The following ARHGAP15 variants were observed in gnomAD, a reference collection of about 807,000 sequenced individuals.
The protein encoded by ARHGAP15 is rho GTPase-activating protein 15.
Under a neutral mutation model 63.7 loss-of-function variants are expected in ARHGAP15, and 51 were observed. That is an observed-to-expected ratio of 0.80 (90% CI 0.64 to 1.01). The LOEUF is 1.01. Among genes scored for constraint, ARHGAP15 ranks in the 50% least tolerant of loss-of-function variants. The pLI is 0.00. For missense variants in ARHGAP15, 560 were observed against 564.6 expected (o/e 0.99, Z 0.08); for synonymous variants, 191 against 193.8 (o/e 0.99, Z 0.12).
chr2:143,410,533 C>T (rs75594536), intron 6 of ARHGAP15, among the ~76,000 whole-genome samples: 25 of 152,258 alleles, frequency 1.6e-4, no homozygotes, highest in African/African-American at 4.6e-4. Flanking sequence ...CTTAGTTGAG[C>T]GCCTACTTTG....
intron 6 of ARHGAP15, among the ~76,000 whole-genome samples, chr2:143,304,131 G>A (rs1166056517): frequency 6.6e-6 from 1 of 152,086 alleles, no homozygotes; most frequent in African/African-American, 2.4e-5. Flanking sequence ...TATAAATCAT[G>A]CTGCTATAAA....
intron 12 of ARHGAP15, among the ~76,000 whole-genome samples, chr2:143,650,566 C>A (rs777952501): frequency 6.6e-6 from 1 of 151,772 alleles, no homozygotes; most frequent in Non-Finnish European, 1.5e-5. Context: ...GGTACTGCAC[C>A]CACTAAGTAT....
chr2:143,372,419 T>A (rs1413341698), intron 6 of ARHGAP15, among the ~76,000 whole-genome samples: 1 of 150,992 alleles, frequency 6.6e-6, no homozygotes, highest in Non-Finnish European at 1.5e-5. Flanking sequence ...TACCATAGCT[T>A]CTTAATCTAC....
Position 143,487,540 on chromosome 2 carries a change from G to C in ARHGAP15, c.826+45G>C, listed in dbSNP as rs1284865432. 1.1e-5 allele frequency: 17 copies of C among 1,579,996 alleles called. No individual in the cohort carries two copies. The East Asian group carries it at 3.4e-4, about 31-fold the overall frequency. ...TGTACTATAACTGTGATAAATGAAT[G>C]TGCCTCTGTGTTCATAGCTAATCAG... On this transcript the variant is annotated intron_variant, in intron 9 of 13. Transcript: ENST00000295095.
intron 6 of ARHGAP15, among the ~76,000 whole-genome samples, chr2:143,418,779 A>C (rs1044762824): frequency 6.6e-6 from 1 of 152,214 alleles, no homozygotes; most frequent in African/African-American, 2.4e-5. Flanking sequence ...TTTTTTTCCC[A>C]ATAAATACAG....
In ARHGAP15 at chr2:143,638,702, AC is replaced by A. The variant is rs1408957184; in HGVS notation, c.1138+14436del. ...AAAAAAATATTAAAAAAAAAAAAAA[AC>A]TCAGAGAAGAGACATTCCAAATTTA... On this transcript the variant is annotated intron_variant, in intron 12 of 13. Coordinates refer to ENST00000295095, the MANE Select transcript of ARHGAP15 (RefSeq NM_018460.4). 5.9e-3 allele frequency among the ~76,000 whole-genome samples: 859 copies of A among 145,448 alleles called. 18 individuals carry two copies. The East Asian group carries it at 0.078, about 13-fold the overall frequency.
chr2:143,375,582 G>A (rs971997373), intron 6 of ARHGAP15, among the ~76,000 whole-genome samples: 2 of 152,170 alleles, frequency 1.3e-5, no homozygotes, highest in Admixed American at 6.6e-5. Context: ...GTATCCAGTG[G>A]TGACATACAT....
chr2:143,456,951 A>T (rs1476251342), intron 8 of ARHGAP15, among the ~76,000 whole-genome samples: 3 of 151,984 alleles, frequency 2.0e-5, no homozygotes, highest in Non-Finnish European at 4.4e-5. Context: ...TGATTTAGAA[A>T]TTAATATATA....
At chr2:143,602,577 A>G (rs1697817386) in intron 11 of ARHGAP15, among the ~76,000 whole-genome samples, 2 of 152,048 alleles carry the variant, frequency 1.3e-5, no homozygotes, top group Non-Finnish European at 2.9e-5. Flanking sequence ...AAGAGTAGAG[A>G]TTCCATGAAA....
chr2:143,138,336 A>C (rs1253702697), intron 1 of ARHGAP15, among the ~76,000 whole-genome samples: 1 of 152,122 alleles, frequency 6.6e-6, no homozygotes, highest in Non-Finnish European at 1.5e-5. Flanking sequence ...TGAGTTGTAC[A>C]TAGATCTGGG....
intron 6 of ARHGAP15, among the ~76,000 whole-genome samples, chr2:143,292,525 A>G (rs1682450852): frequency 6.6e-6 from 1 of 152,020 alleles, no homozygotes. Flanking sequence ...TGTCATTTAT[A>G]TACTTCACCT....
chr2:143,257,036 A>T (rs1680461645), intron 6 of ARHGAP15, among the ~76,000 whole-genome samples: 1 of 152,116 alleles, frequency 6.6e-6, no homozygotes, highest in Admixed American at 6.6e-5. Context: ...AAATAATAAA[A>T]CTTTTTTAAA....
At chr2:143,623,519 C>T (rs1698722928) in intron 11 of ARHGAP15, among the ~76,000 whole-genome samples, 1 of 151,982 alleles carries the variant, frequency 6.6e-6, no homozygotes, top group Admixed American at 6.6e-5. Flanking sequence ...ATATTTTCCT[C>T]ACTGAGATGA....
At chr2:143,344,832 A>G (rs894241411) in intron 6 of ARHGAP15, among the ~76,000 whole-genome samples, 1 of 152,180 alleles carries the variant, frequency 6.6e-6, no homozygotes. Flanking sequence ...CAATAAACAA[A>G]TAAACAAGTA....
intron 1 of ARHGAP15, among the ~76,000 whole-genome samples, chr2:143,134,632 C>CTTT (rs139259059): frequency 1.7e-5 from 2 of 119,446 alleles, no homozygotes; most frequent in Non-Finnish European, 1.8e-5. Flanking sequence ...TATTCCTTTT[C>CTTT]TTTTTTTTTT....
chr2:143,666,103 A>T (rs1338989548), intron 12 of ARHGAP15, among the ~76,000 whole-genome samples: 1 of 151,708 alleles, frequency 6.6e-6, no homozygotes, highest in Non-Finnish European at 1.5e-5. Flanking sequence ...AAGAGCCCAC[A>T]TCCCCAAGGC....
At chr2:143,315,896 C>CCA (rs1484221767) in intron 6 of ARHGAP15, among the ~76,000 whole-genome samples, 1 of 141,208 alleles carries the variant, frequency 7.1e-6, no homozygotes, top group Non-Finnish European at 1.5e-5. Context: ...ATCAGCCTGG[C>CCA]CAACACGGTG....
At chr2:143,574,719 C>A (rs1202111807) in intron 11 of ARHGAP15, among the ~76,000 whole-genome samples, 1 of 152,028 alleles carries the variant, frequency 6.6e-6, no homozygotes, top group Non-Finnish European at 1.5e-5. Context: ...TGGCCATGCC[C>A]CCATTAGCTA....
At chr2:143,374,068 G>T (rs1419105126) in intron 6 of ARHGAP15, among the ~76,000 whole-genome samples, 1 of 152,092 alleles carries the variant, frequency 6.6e-6, no homozygotes, top group African/African-American at 2.4e-5. Flanking sequence ...CAATTATTCT[G>T]TTACTCACAT....
Sources: allele counts gnomAD v4.1 joint callset (sites outside exome capture counted in the v4.1 genomes callset), GRCh38; gene constraint gnomAD v4.1.1; transcripts MANE v1.5; gene names NCBI Gene and HGNC (gene_info 2026-07-23, HGNC 2026-07-21).